KCNC2: variants seen among roughly 807,000 people sequenced by gnomAD.
KCNC2 encodes voltage-gated potassium channel KCNC2.
KCNC2 carries 21 observed loss-of-function variants against 44.5 expected under a neutral mutation model. The observed-to-expected ratio is 0.47, with a 90% confidence interval of 0.33 to 0.68. The LOEUF is 0.68. KCNC2 is among the 30% of genes least tolerant of loss of function. KCNC2 has a pLI of 0.01. For synonymous variants in KCNC2, 391 were observed against 339.1 expected (o/e 1.15, Z -1.68); for missense variants, 589 against 826.2 (o/e 0.71, Z 3.52).
chr12:75,145,123 G>A (rs1351730972), intron 2 of KCNC2, among the ~76,000 whole-genome samples: 2 of 152,094 alleles, frequency 1.3e-5, no homozygotes, highest in Middle Eastern at 3.4e-3. Context: ...ATTCAGAACC[G>A]AGTCATTTAT....
intron 2 of KCNC2, among the ~76,000 whole-genome samples, chr12:75,062,543 T>C (rs1231339549): frequency 1.3e-5 from 2 of 152,100 alleles, no homozygotes; most frequent in African/African-American, 2.4e-5. Context: ...AAAATGTGTT[T>C]ATTATTTGAA....
At chr12:75,139,330 C>T (rs1347680819) in intron 2 of KCNC2, among the ~76,000 whole-genome samples, 1 of 152,148 alleles carries the variant, frequency 6.6e-6, no homozygotes, top group Non-Finnish European at 1.5e-5. Flanking sequence ...AAAACATGAA[C>T]CAAAATTTTA....
chr12:75,121,969 A>C (rs532932082), intron 2 of KCNC2, among the ~76,000 whole-genome samples: 1 of 151,858 alleles, frequency 6.6e-6, no homozygotes, highest in African/African-American at 2.4e-5. Context: ...CTCAGTGTCA[A>C]GTGTGAGTGA....
chr12:75,204,157 A>G (rs890900934), intron 2 of KCNC2, among the ~76,000 whole-genome samples: 2 of 151,968 alleles, frequency 1.3e-5, no homozygotes, highest in African/African-American at 4.8e-5. Flanking sequence ...GAATTTTTAT[A>G]AATTTCTATT....
intron 2 of KCNC2, among the ~76,000 whole-genome samples, chr12:75,111,015 C>A (rs1887193939): frequency 6.6e-6 from 1 of 152,010 alleles, no homozygotes; most frequent in African/African-American, 2.4e-5. Flanking sequence ...ATGGAACTTA[C>A]TTTTAATGCA....
chr12:75,096,631 A>C (rs1194937755), intron 2 of KCNC2, among the ~76,000 whole-genome samples: 1 of 152,062 alleles, frequency 6.6e-6, no homozygotes, highest in African/African-American at 2.4e-5. Context: ...GGCAATTATA[A>C]GACAAAGACA....
chr12:75,167,748 C>A (rs1438753299), intron 2 of KCNC2, among the ~76,000 whole-genome samples: 3 of 151,210 alleles, frequency 2.0e-5, no homozygotes, highest in Non-Finnish European at 4.4e-5. Flanking sequence ...GTTATTAAAT[C>A]TTAATTCAAC....
chr12:75,086,667 A>ATATATATATATATATAT, intron 2 of KCNC2, among the ~76,000 whole-genome samples: 1 of 65,736 alleles, frequency 1.5e-5, no homozygotes, highest in African/African-American at 3.4e-5. Flanking sequence ...TGGCAAAAAA[A>ATATATATATATATATAT]AAAAAAAAAA....
chr12:75,093,145 T>G (rs540616869), intron 2 of KCNC2, among the ~76,000 whole-genome samples: 3 of 151,680 alleles, frequency 2.0e-5, no homozygotes, highest in African/African-American at 7.2e-5. Context: ...TCATGATTCA[T>G]AGAATCAAAA....
chr12:75,191,355 C>T (rs1424950262), intron 2 of KCNC2, among the ~76,000 whole-genome samples: 1 of 151,290 alleles, frequency 6.6e-6, no homozygotes, highest in African/African-American at 2.4e-5. Flanking sequence ...TTTTCTTCCT[C>T]AGGCTATTCA....
chr12:75,195,696 C>T (rs560208257), intron 2 of KCNC2, among the ~76,000 whole-genome samples: 16 of 152,086 alleles, frequency 1.1e-4, no homozygotes, highest in African/African-American at 2.7e-4. Context: ...AACTGTGGCC[C>T]TCTTGAAAAA....
intron 2 of KCNC2, among the ~76,000 whole-genome samples, chr12:75,091,680 T>TGG (rs1428282438): frequency 1.3e-5 from 2 of 151,544 alleles, no homozygotes; most frequent in African/African-American, 4.8e-5. Flanking sequence ...TTAGAATATG[T>TGG]GGGGAATTTT....
chr12:75,196,452 G>A (rs1371763689), intron 2 of KCNC2, among the ~76,000 whole-genome samples: 1 of 152,020 alleles, frequency 6.6e-6, no homozygotes, highest in Non-Finnish European at 1.5e-5. Context: ...AATGAGCAAT[G>A]CTTGCCTCAA....
At chr12:75,098,106 A>G (rs1444387016) in intron 2 of KCNC2, among the ~76,000 whole-genome samples, 1 of 152,156 alleles carries the variant, frequency 6.6e-6, no homozygotes, top group Admixed American at 6.6e-5. Context: ...TAAGTCTCCA[A>G]TCTGAATCTC....
At chr12:75,201,443 T>C (rs149443080) in intron 2 of KCNC2, among the ~76,000 whole-genome samples, 39 of 151,898 alleles carry the variant, frequency 2.6e-4, no homozygotes, top group Admixed American at 4.6e-4. Flanking sequence ...GAAGTTTAGA[T>C]ACTATCTAGT....
At chr12:75,112,398 C>G (rs933365628) in intron 2 of KCNC2, among the ~76,000 whole-genome samples, 2 of 151,984 alleles carry the variant, frequency 1.3e-5, no homozygotes, top group Admixed American at 6.5e-5. Flanking sequence ...TTTAAATCTT[C>G]AAAAGTTCTG....
chr12:75,206,528 C>T (rs759658747), intron 2 of KCNC2, among the ~76,000 whole-genome samples: 1 of 152,076 alleles, frequency 6.6e-6, no homozygotes, highest in Non-Finnish European at 1.5e-5. Flanking sequence ...AAAGTTTGCT[C>T]CAATCTAAAT....
At chr12:75,178,225 C>G (rs1892327239) in intron 2 of KCNC2, among the ~76,000 whole-genome samples, 1 of 152,014 alleles carries the variant, frequency 6.6e-6, no homozygotes, top group South Asian at 2.1e-4. Context: ...ACATGTACAT[C>G]TGTGCTTAGT....
At chr12:75,139,694 A>G (rs938599825) in intron 2 of KCNC2, among the ~76,000 whole-genome samples, 3 of 152,234 alleles carry the variant, frequency 2.0e-5, no homozygotes, top group Non-Finnish European at 4.4e-5. Context: ...CATGTTTTCA[A>G]CTATAAAATA....
Sources: gnomAD v4.1 joint callset for allele counts (sites outside exome capture counted in the v4.1 genomes callset) on GRCh38, gnomAD v4.1.1 for gene constraint, MANE v1.5 for transcripts, NCBI Gene and HGNC (gene_info 2026-07-23, HGNC 2026-07-21) for gene names.